Variants in SLC41A3 observed in about 807,000 individuals in gnomAD.
SLC41A3 encodes SLC41A1-like 2.
SLC41A3 carries 44 observed loss-of-function variants against 45.4 expected under a neutral mutation model. The observed-to-expected ratio is 0.97, with a 90% CI of 0.76 to 1.25. SLC41A3 has a LOEUF of 1.25. Among genes scored for constraint, SLC41A3 ranks in the 50% most tolerant of loss-of-function variants. SLC41A3 has a pLI of 0.00. For synonymous variants in SLC41A3, 256 were observed against 252.4 expected (o/e 1.01, Z -0.13); for missense variants, 550 against 600.6 (o/e 0.92, Z 0.88).
Position 126,006,801 on chromosome 3 carries a change from A to G in SLC41A3, c.*215T>C. On this transcript the variant is annotated 3_prime_UTR_variant, in exon 11 of 11. Transcript: ENST00000360370. ...GCATGTGCACACATCATATTCACAC[A>G]CTCAAGCCATGCTCTTGATTTCAGG... is the stretch of plus-strand genomic sequence containing the variant. The G allele has an allele frequency of 6.9e-7, 1 of 1,443,178 alleles. No homozygotes were observed. The highest frequency in any genetic ancestry group is 9.1e-7 in the Non-Finnish European group (1 of 1,104,612). The allele number at this position is 1,443,178 out of a possible 1,614,324, so 89.4% of individuals were successfully genotyped here. A position where few individuals can be genotyped will look rare whatever the true frequency, so the allele number is the denominator to read the frequency against.
At position 126,049,912 on chromosome 3, in the gene SLC41A3, T is replaced by C. The variant is rs888093365; in HGVS notation, c.381+1031A>G. ...AGCTCCATCTCTTGGCTCATGGCCCTTCCTCTGTCGTCAAAGCCAGGAGCA... is the reference window on the plus strand; with the variant it reads ...AGCTCCATCTCTTGGCTCATGGCCCCTCCTCTGTCGTCAAAGCCAGGAGCA... On this transcript the variant is annotated intron_variant, in intron 3 of 10. Coordinates refer to ENST00000360370, the MANE Select transcript of SLC41A3 (RefSeq NM_017836.4). Among the ~76,000 whole-genome samples, 6 of 152,338 alleles carry C rather than the reference T, an allele frequency of 3.9e-5. No homozygotes were observed. The East Asian group carries it at 1.2e-3, about 29-fold the overall frequency.
intron 1 of SLC41A3, among the ~76,000 whole-genome samples, chr3:126,097,953 C>G (rs1369667979): frequency 2.0e-5 from 3 of 152,204 alleles, no homozygotes; most frequent in African/African-American, 7.2e-5. Context: ...ACACAGAGCA[C>G]TTGCAAATGC....
chr3:126,084,880 T>C (rs774197653), upstream of SLC41A3, among the ~76,000 whole-genome samples: 2 of 152,240 alleles, frequency 1.3e-5, no homozygotes, highest in African/African-American at 2.4e-5. Flanking sequence ...GTTCAGGCCA[T>C]AAGGGGAAGT....
intron 3 of SLC41A3, among the ~76,000 whole-genome samples, chr3:126,048,588 T>C (rs1162742542): frequency 6.6e-6 from 1 of 152,238 alleles, no homozygotes; most frequent in African/African-American, 2.4e-5. Context: ...ACTCTTACTT[T>C]CTTTTCCTAG....
chr3:126,057,896 C>T (rs573550556), intron 2 of SLC41A3: 2 of 152,386 alleles, frequency 1.3e-5, no homozygotes, highest in Admixed American at 1.3e-4. Context: ...TTTCTGACCC[C>T]CTCTTCCCTC....
intron 6 of SLC41A3, among the ~76,000 whole-genome samples, chr3:126,020,458 T>C (rs2107692112): frequency 6.6e-6 from 1 of 152,342 alleles, no homozygotes; most frequent in South Asian, 2.1e-4. Flanking sequence ...AACTCTTTCA[T>C]TCTCTACCAT....
At chr3:126,046,215 T>C (rs1415789354) in intron 3 of SLC41A3, among the ~76,000 whole-genome samples, 1 of 152,198 alleles carries the variant, frequency 6.6e-6, no homozygotes, top group Non-Finnish European at 1.5e-5. Context: ...ACTACTTCTT[T>C]TTAACACACT....
intron 2 of SLC41A3, among the ~76,000 whole-genome samples, chr3:126,063,771 G>A (rs1343102560): frequency 6.6e-6 from 1 of 152,274 alleles, no homozygotes; most frequent in East Asian, 1.9e-4. Context: ...TTGAAATATA[G>A]AGCACCAGCT....
At chr3:126,076,205 T>C (rs1007952888) in intron 1 of SLC41A3, among the ~76,000 whole-genome samples, 2 of 152,218 alleles carry the variant, frequency 1.3e-5, no homozygotes, top group Non-Finnish European at 1.5e-5. Flanking sequence ...AATAAGCACA[T>C]GAAACAATGG....
rs534026975 is a variant in SLC41A3, at chr3:126,065,922, C to T, written c.273+2025G>A. ...GAAATATCAAGACCTCAACCTGTCT[C>T]ACTCATAATAAGGAGCACAGATCAC... On this transcript the variant is annotated intron_variant, in intron 2 of 10. Coordinates refer to ENST00000360370, the MANE Select transcript of SLC41A3 (RefSeq NM_017836.4). 3.3e-5 allele frequency among the ~76,000 whole-genome samples: 5 copies of T among 152,260 alleles called. No individual in the cohort carries two copies. In the East Asian group the frequency reaches 9.6e-4, roughly 29 times the overall value.
chr3:126,035,762 A>C (rs1942143523), intron 3 of SLC41A3, among the ~76,000 whole-genome samples: 1 of 152,170 alleles, frequency 6.6e-6, no homozygotes, highest in Non-Finnish European at 1.5e-5. Context: ...ACAGAGCCAG[A>C]AGGCAAGTGG....
At chr3:126,088,055 TA>T (rs1945427703), upstream of SLC41A3, among the ~76,000 whole-genome samples, 1 of 152,130 alleles carries the variant, frequency 6.6e-6, no homozygotes, top group Non-Finnish European at 1.5e-5. Flanking sequence ...TGGCCTTAGA[TA>T]ATAGATCTCT....
chr3:126,086,407 T>G (rs1559897480), upstream of SLC41A3, among the ~76,000 whole-genome samples: 1 of 106,502 alleles, frequency 9.4e-6, no homozygotes, highest in Non-Finnish European at 1.9e-5. Flanking sequence ...TTTGTTTTCT[T>G]GTTTTTTTTT....
chr3:126,033,651 G>T lies in SLC41A3; in HGVS notation c.409C>A (p.Gln137Lys). The T allele has an allele frequency of 6.2e-7, 1 of 1,613,116 alleles. No homozygotes were observed. The highest frequency in any genetic ancestry group is 8.5e-7 in the Non-Finnish European group (1 of 1,179,856). ...AANTGQIDDP[Q>K]EQHRVISSNL... ...CTGCTGATGACTCTGTGCTGCTCCT[G>T]GGGGTCATCAATTTGTCCAGTGTTG... Residue 137 changes from glutamine (Q) to lysine (K), a missense_variant, in exon 4 of 11, where the codon CAG becomes AAG. Physicochemically the swap from Gln to Lys is moderately conservative, Grantham distance 53. Coordinates refer to ENST00000360370, the MANE Select transcript of SLC41A3 (RefSeq NM_017836.4).
At chr3:126,056,600 G>A in intron 2 of SLC41A3, 2 of 1,581,414 alleles carry the variant, frequency 1.3e-6, no homozygotes, top group African/African-American at 1.3e-5. Flanking sequence ...CAGAGCCTGG[G>A]GTGCTCCAGT....
Position 126,026,161 on chromosome 3 carries a change from G to A in SLC41A3, c.598+174C>T, listed in dbSNP as rs1328531417. ...CTGCCTGGGTGAGGGCACAAGGTGGGCCATGAAGACCCAGCTGGCTCGTCC... is the reference window on the plus strand; with the variant it reads ...CTGCCTGGGTGAGGGCACAAGGTGGACCATGAAGACCCAGCTGGCTCGTCC... On this transcript the variant is annotated intron_variant, in intron 5 of 10. Coordinates refer to ENST00000360370, the MANE Select transcript of SLC41A3 (RefSeq NM_017836.4). This position sits in a 1 kb window ranked among gnomAD's most constrained non-coding sequence, Gnocchi z 4.2. 2.1e-6 allele frequency: 2 copies of A among 944,678 alleles called. No individual in the cohort carries two copies. The highest frequency in any genetic ancestry group is 1.7e-5 in the African/African-American group (1 of 60,106). The allele number at this position is 944,678 out of a possible 1,614,324, so 58.5% of individuals were successfully genotyped here.
At chr3:126,078,710 G>C (rs1944999302) in intron 1 of SLC41A3, among the ~76,000 whole-genome samples, 1 of 152,168 alleles carries the variant, frequency 6.6e-6, no homozygotes, top group South Asian at 2.1e-4. Context: ...AGAATTAAAA[G>C]AGCACCAGAA....
intron 2 of SLC41A3, among the ~76,000 whole-genome samples, chr3:126,053,735 C>T (rs1943488550): frequency 6.6e-6 from 1 of 152,058 alleles, no homozygotes; most frequent in Non-Finnish European, 1.5e-5. Context: ...GTGTCTATGA[C>T]TCAGAAGTCT....
chr3:126,063,492 G>A (rs1944177966), intron 2 of SLC41A3, among the ~76,000 whole-genome samples: 1 of 152,206 alleles, frequency 6.6e-6, no homozygotes, highest in Non-Finnish European at 1.5e-5. Context: ...CAGTGGCCAA[G>A]CATCAGGCAA....
Sources: allele counts gnomAD v4.1 joint callset (sites outside exome capture counted in the v4.1 genomes callset), GRCh38; gene constraint gnomAD v4.1.1; non-coding constraint Gnocchi (gnomAD v3.1); transcripts MANE v1.5; gene names NCBI Gene and HGNC (gene_info 2026-07-23, HGNC 2026-07-21).